DEUP1: variants seen among roughly 807,000 people sequenced by gnomAD.
DEUP1 encodes the protein coiled-coil domain containing 67.
DEUP1 carries 82 observed loss-of-function variants against 87.4 expected under a neutral mutation model. That is an observed-to-expected ratio of 0.94 (90% confidence interval 0.78 to 1.13). DEUP1 has a LOEUF of 1.13. Ranked by LOEUF, DEUP1 falls within the 50% of genes most tolerant of loss-of-function variation. The pLI, the probability that DEUP1 is intolerant of heterozygous loss-of-function variation, is 0.00. For synonymous variants in DEUP1, 214 were observed against 222.7 expected (o/e 0.96, Z 0.35); for missense variants, 663 against 681.5 (o/e 0.97, Z 0.30).
At chr11:93,389,232 A>AT in intron 9 of DEUP1, 107 bp downstream of exon 9, 2 of 688,048 alleles carry the variant, frequency 2.9e-6, no homozygotes, top group East Asian at 2.9e-5. Flanking sequence ...TTCCTTCTGT[A>AT]TTTTTTTGTA....
chr11:93,415,020 C>A lies in DEUP1; in HGVS notation c.1544C>A (p.Pro515Gln), dbSNP rs1947563331. The change falls in exon 13 of 14, where the codon CCA becomes CAA. Residue 515 changes from proline to glutamine, a missense_variant. Physicochemically the swap from Pro to Gln is moderately conservative, Grantham distance 76. Transcript: ENST00000298050. ...NEERLSHDCEPNRSTMPPLPP... is the reference protein window; with the variant it reads ...NEERLSHDCEQNRSTMPPLPP... ...TTTAGACTTAGTCATGACTGTGAGC[C>A]AAACAGAAGTACAATGCCTCCCTTG... 1.3e-6 allele frequency: 2 copies of A among 1,582,694 alleles called. No individual in the cohort carries two copies. The highest frequency in any genetic ancestry group is 1.7e-6 in the Non-Finnish European group (2 of 1,167,748).
chr11:93,336,708 G>C (rs1393614936), intron 2 of DEUP1, among the ~76,000 whole-genome samples: 4 of 152,142 alleles, frequency 2.6e-5, no homozygotes, highest in African/African-American at 2.4e-5. Context: ...AGCTTCTCCA[G>C]AGAATATGCC....
intron 8 of DEUP1, among the ~76,000 whole-genome samples, chr11:93,386,316 A>T (rs1476402479): frequency 6.6e-6 from 1 of 152,192 alleles, no homozygotes; most frequent in East Asian, 1.9e-4. Context: ...CACAAAGGAA[A>T]TCAGACAGAT....
intron 12 of DEUP1, among the ~76,000 whole-genome samples, chr11:93,409,495 T>G (rs189756111): frequency 6.6e-6 from 1 of 152,316 alleles, no homozygotes; most frequent in Admixed American, 6.5e-5. Context: ...CATTAATATG[T>G]TAACTTACAC....
At chr11:93,341,749 TG>T (rs932147427) in intron 2 of DEUP1, among the ~76,000 whole-genome samples, 1 of 152,160 alleles carries the variant, frequency 6.6e-6, no homozygotes, top group African/African-American at 2.4e-5. Context: ...TAGTTTCCTA[TG>T]GTTATTATAA....
chr11:93,331,978 T>C (rs1165511901), intron 1 of DEUP1, among the ~76,000 whole-genome samples: 1 of 152,068 alleles, frequency 6.6e-6, no homozygotes, highest in African/African-American at 2.4e-5. Flanking sequence ...GAGGCAGAGG[T>C]TGCAGTGAGC....
chr11:93,433,415 A>G (rs577950904), intron 13 of DEUP1, among the ~76,000 whole-genome samples: 1 of 152,318 alleles, frequency 6.6e-6, no homozygotes, highest in Non-Finnish European at 1.5e-5. Flanking sequence ...CCTACTCAGG[A>G]GGCTGAAGTG....
intron 2 of DEUP1, among the ~76,000 whole-genome samples, chr11:93,339,818 C>T (rs978018391): frequency 2.0e-5 from 3 of 152,318 alleles, no homozygotes; most frequent in Non-Finnish European, 4.4e-5. Context: ...GGGGCCTGAA[C>T]TGTCACCCCC....
At chr11:93,339,946 T>C (rs1246195891) in intron 2 of DEUP1, among the ~76,000 whole-genome samples, 2 of 152,142 alleles carry the variant, frequency 1.3e-5, no homozygotes, top group South Asian at 2.1e-4. Context: ...TGCTGGAGTA[T>C]TGTCAGAAGG....
chr11:93,398,649 A>G (rs2134380655), intron 11 of DEUP1, among the ~76,000 whole-genome samples: 1 of 152,074 alleles, frequency 6.6e-6, no homozygotes, highest in Non-Finnish European at 1.5e-5. Context: ...TTCATTGACA[A>G]TGTGTACCAA....
chr11:93,392,388 T>G (rs771211907), intron 9 of DEUP1, among the ~76,000 whole-genome samples: 2 of 152,168 alleles, frequency 1.3e-5, no homozygotes, highest in African/African-American at 2.4e-5. Context: ...CACCTTAATT[T>G]TCTAATCTGC....
intron 13 of DEUP1, among the ~76,000 whole-genome samples, chr11:93,419,185 TAAA>T (rs1280219565): frequency 2.8e-5 from 1 of 36,132 alleles, no homozygotes; most frequent in Non-Finnish European, 5.6e-5. Flanking sequence ...AGTATAATAA[TAAA>T]AAAAAAAAAG....
intron 13 of DEUP1, among the ~76,000 whole-genome samples, chr11:93,430,787 A>G (rs1948079498): frequency 6.6e-6 from 1 of 152,194 alleles, no homozygotes; most frequent in South Asian, 2.1e-4. Flanking sequence ...ATGATTGGAA[A>G]TAAATGAACA....
chr11:93,376,166 A>AAC (rs1289113911), intron 7 of DEUP1, among the ~76,000 whole-genome samples: 2 of 151,816 alleles, frequency 1.3e-5, no homozygotes, highest in East Asian at 3.9e-4. Flanking sequence ...CTGGTCTCGA[A>AAC]CTCCTGAGCT....
In DEUP1 at chr11:93,370,982, T is replaced by C. The variant is rs2134266174; in HGVS notation, c.547-56T>C. 6.1e-6 allele frequency: 9 copies of C among 1,475,338 alleles called. No homozygotes were observed. In the East Asian group the frequency reaches 2.1e-4, roughly 34 times the overall value. 91.4% of individuals were successfully genotyped at this position (1,475,338 alleles called of 1,614,324 possible). Reference sequence around the variant, plus strand: ...TCTTTTCTATCATTCTTGAACTTCATGTAAGCTTAAATATGACATTCTTCA... The same window carrying C: ...TCTTTTCTATCATTCTTGAACTTCACGTAAGCTTAAATATGACATTCTTCA... On this transcript the variant is annotated intron_variant, in intron 6 of 13. Transcript: ENST00000298050.
rs959201990 is a variant in DEUP1, at chr11:93,352,708, C to G, written c.30-2663C>G. Among the ~76,000 whole-genome samples, 4 of 152,116 alleles carry G rather than the reference C, an allele frequency of 2.6e-5. 1 individual carries two copies. The highest frequency in any genetic ancestry group is 2.6e-4 in the Admixed American group (4 of 15,272). Reference sequence around the variant, plus strand: ...TCATGGCAGGAGGTGAAAGGCACTTCTTACATGGGGGAGGCAAGAGAAAAT... The same window carrying G: ...TCATGGCAGGAGGTGAAAGGCACTTGTTACATGGGGGAGGCAAGAGAAAAT... On this transcript the variant is annotated intron_variant, in intron 2 of 13. Coordinates refer to ENST00000298050, the MANE Select transcript of DEUP1 (RefSeq NM_181645.4).
intron 13 of DEUP1, 138 bp downstream of exon 13, chr11:93,415,252 G>A: frequency 2.0e-6 from 1 of 496,904 alleles, no homozygotes; most frequent in Admixed American, 3.7e-5. Flanking sequence ...AGATGGGTCT[G>A]CGAGCCATTT....
chr11:93,427,358 A>T (rs1310834834), intron 13 of DEUP1, among the ~76,000 whole-genome samples: 3 of 152,076 alleles, frequency 2.0e-5, no homozygotes, highest in Non-Finnish European at 2.9e-5. Flanking sequence ...AAACCTGACA[A>T]AAATAAGCAA....
chr11:93,332,715 C>T (rs1057339601), intron 2 of DEUP1, among the ~76,000 whole-genome samples: 1 of 152,164 alleles, frequency 6.6e-6, no homozygotes, highest in Non-Finnish European at 1.5e-5. Flanking sequence ...TCCGTAAAAA[C>T]ATCATCAAGA....
Sources: gnomAD v4.1 joint callset for allele counts (sites outside exome capture counted in the v4.1 genomes callset) on GRCh38, gnomAD v4.1.1 for gene constraint, MANE v1.5 for transcripts, NCBI Gene and HGNC (gene_info 2026-07-23, HGNC 2026-07-21) for gene names.